The following NCALD variants were observed in gnomAD, a reference collection of about 807,000 sequenced individuals.
The protein encoded by NCALD is neurocalcin-delta.
In NCALD, 10 loss-of-function variants were observed where a neutral mutation model predicts 18.6. The observed-to-expected ratio is 0.54, with a 90% CI of 0.33 to 0.91. NCALD has a LOEUF of 0.91. Among genes scored for constraint, NCALD ranks in the 40% least tolerant of loss-of-function variants. The pLI is 0.03. For missense variants in NCALD, 184 were observed against 247.6 expected (o/e 0.74, Z 1.72); for synonymous variants, 88 against 87.4 (o/e 1.01, Z -0.04).
At chr8:101,880,958 A>T (rs983493407) in intron 4 of NCALD, among the ~76,000 whole-genome samples, 1 of 152,274 alleles carries the variant, frequency 6.6e-6, no homozygotes, top group Admixed American at 6.5e-5. Context: ...AAGGACTTAG[A>T]ACTTTATTTT....
At chr8:101,732,542 C>T (rs1816881938) in intron 1 of NCALD, among the ~76,000 whole-genome samples, 2 of 148,234 alleles carry the variant, frequency 1.3e-5, no homozygotes, top group African/African-American at 5.0e-5. Context: ...AGGGAAATAA[C>T]AGGAATCTGA....
At chr8:101,728,707 C>T (rs552068877) in intron 1 of NCALD, among the ~76,000 whole-genome samples, 17 of 152,326 alleles carry the variant, frequency 1.1e-4, no homozygotes, top group African/African-American at 4.1e-4. Context: ...GTAGTCCCAG[C>T]TCCTTGGGAG....
At chr8:102,055,127 G>C (rs1397128230) in intron 1 of NCALD, among the ~76,000 whole-genome samples, 1 of 151,814 alleles carries the variant, frequency 6.6e-6, no homozygotes, top group African/African-American at 2.4e-5. Context: ...AACCCACTGG[G>C]AATCTGCTGA....
At chr8:102,044,495 G>A (rs960009545) in intron 1 of NCALD, among the ~76,000 whole-genome samples, 16 of 152,106 alleles carry the variant, frequency 1.1e-4, no homozygotes, top group African/African-American at 2.2e-4. Context: ...TTTCTGCGTC[G>A]TTTCTACCAA....
At chr8:101,959,280 C>T (rs1162064437) in intron 2 of NCALD, among the ~76,000 whole-genome samples, 2 of 151,944 alleles carry the variant, frequency 1.3e-5, no homozygotes, top group African/African-American at 2.4e-5. Context: ...CAATTAGGTT[C>T]AAGTTATGCA....
At chr8:102,038,291 C>T (rs955235981) in intron 1 of NCALD, among the ~76,000 whole-genome samples, 3 of 152,230 alleles carry the variant, frequency 2.0e-5, no homozygotes, top group South Asian at 2.1e-4. Context: ...GCCCACGCCA[C>T]GGGGAAAGAA....
At chr8:101,831,871 C>A (rs1814202884) in intron 4 of NCALD, among the ~76,000 whole-genome samples, 1 of 152,190 alleles carries the variant, frequency 6.6e-6, no homozygotes, top group Non-Finnish European at 1.5e-5. Context: ...TTCCCGATGC[C>A]CCCAGAGGCA....
At chr8:101,950,950 C>T (rs1819391937) in intron 2 of NCALD, among the ~76,000 whole-genome samples, 1 of 152,192 alleles carries the variant, frequency 6.6e-6, no homozygotes, top group African/African-American at 2.4e-5. Context: ...CTAAACACTA[C>T]AGTGTGTAGT....
At chr8:101,812,922 C>G (rs1813360390) in intron 4 of NCALD, among the ~76,000 whole-genome samples, 1 of 152,118 alleles carries the variant, frequency 6.6e-6, no homozygotes, top group Admixed American at 6.6e-5. Flanking sequence ...ATCAGCACAT[C>G]TTTGTTCTTT....
chr8:101,863,970 C>T (rs59458214), intron 4 of NCALD, among the ~76,000 whole-genome samples: 4,679 of 152,164 alleles, frequency 0.031, 236 homozygotes, highest in African/African-American at 0.1. Flanking sequence ...GGGGATGGGG[C>T]CTGGGCATTA....
At chr8:101,896,442 G>A (rs1312365146) in intron 3 of NCALD, among the ~76,000 whole-genome samples, 5 of 151,044 alleles carry the variant, frequency 3.3e-5, no homozygotes, top group East Asian at 2.0e-4. Context: ...TGCCATTCAG[G>A]ACATAGGCAT....
rs188393560 is a variant in NCALD, at chr8:101,812,187, G to A, written c.-20+74954C>T. Among the ~76,000 whole-genome samples, 460 of 152,270 alleles carry A rather than the reference G, an allele frequency of 3.0e-3. 2 individuals carry two copies. Among genetic ancestry groups the A allele is most frequent in the African/African-American group, 0.011 (438 of 41,562 alleles). ...TGCAAGTTCTCTCTTAAGAGGCAGT[G>A]TGGTCATTCAAAGGGCACTGGGTAG... On this transcript the variant is annotated intron_variant, in intron 4 of 6. Transcript: ENST00000311028.
intron 4 of NCALD, among the ~76,000 whole-genome samples, chr8:101,810,347 T>C (rs991996268): frequency 6.6e-6 from 1 of 152,188 alleles, no homozygotes; most frequent in East Asian, 1.9e-4. Context: ...TGTTCAAATT[T>C]AGCAGTGTAT....
At chr8:101,785,747 G>T (rs1037813491) in intron 1 of NCALD, 2 of 152,102 alleles carry the variant, frequency 1.3e-5, no homozygotes, top group Non-Finnish European at 2.9e-5. Context: ...CAGGGTATTT[G>T]CATAAAAGAA....
chr8:101,730,479 CAAAAAA>C (rs869241027), intron 1 of NCALD, among the ~76,000 whole-genome samples: 37 of 43,668 alleles, frequency 8.5e-4, no homozygotes, highest in African/African-American at 3.1e-3. Context: ...GACTCCATCT[CAAAAAA>C]AAAAAAAAAA....
At chr8:102,000,463 G>A (rs1040344490) in intron 2 of NCALD, among the ~76,000 whole-genome samples, 2 of 152,226 alleles carry the variant, frequency 1.3e-5, no homozygotes, top group Non-Finnish European at 2.9e-5. Context: ...GTGGGGCATA[G>A]CCAAACAAAA....
chr8:101,979,813 T>C (rs1035072136), intron 2 of NCALD, among the ~76,000 whole-genome samples: 1 of 152,204 alleles, frequency 6.6e-6, no homozygotes. Flanking sequence ...TAAGGATGGA[T>C]TCTGCAAGCC....
chr8:101,894,951 C>A (rs1367730433), intron 3 of NCALD, among the ~76,000 whole-genome samples: 1 of 150,872 alleles, frequency 6.6e-6, no homozygotes, highest in African/African-American at 2.5e-5. Context: ...GGAACTGGTA[C>A]CATTCCTTCT....
At chr8:101,798,804 C>A (rs1299340880) in intron 4 of NCALD, among the ~76,000 whole-genome samples, 1 of 152,196 alleles carries the variant, frequency 6.6e-6, no homozygotes, top group East Asian at 1.9e-4. Context: ...GGCATAGGGA[C>A]AGACATGTAC....
Sources: gnomAD v4.1 joint callset for allele counts (sites outside exome capture counted in the v4.1 genomes callset) on GRCh38, gnomAD v4.1.1 for gene constraint, MANE v1.5 for transcripts, NCBI Gene and HGNC (gene_info 2026-07-23, HGNC 2026-07-21) for gene names.